Variants in SLC4A1 observed in about 807,000 individuals in gnomAD.
SLC4A1 encodes band 3 anion transport protein.
Under a neutral mutation model 93.1 loss-of-function variants are expected in SLC4A1, and 29 were observed. That is an observed-to-expected ratio of 0.31 (90% CI 0.23 to 0.42). The LOEUF (loss-of-function observed/expected upper bound fraction) is 0.42. Among genes scored for constraint, SLC4A1 ranks in the 20% least tolerant of loss-of-function variants. The pLI, the probability that SLC4A1 is intolerant of heterozygous loss-of-function variation, is 1.00. For missense variants in SLC4A1, 965 were observed against 1,190.1 expected (o/e 0.81, Z 2.78); for synonymous variants, 469 against 497.2 (o/e 0.94, Z 0.76).
rs2047318482 is a variant in SLC4A1 at position 44,249,167 on chromosome 17, C to T, written c.*1291G>A. The T allele has an allele frequency of 2.2e-6, 1 of 455,088 alleles. No individual in the cohort carries two copies. Among genetic ancestry groups the T allele is most frequent in the African/African-American group, 2.0e-5 (1 of 49,956 alleles). 28.2% of individuals were successfully genotyped at this position (455,088 alleles called of 1,614,324 possible). A position where few individuals can be genotyped will look rare whatever the true frequency, so the allele number is the denominator to read the frequency against. Reference sequence around the variant, plus strand: ...GTGAGCCACTGCGCCCAGCCACCTCCTCTCTTTTCTACCACTTCCTGATTC... The same window carrying T: ...GTGAGCCACTGCGCCCAGCCACCTCTTCTCTTTTCTACCACTTCCTGATTC... On this transcript the variant is annotated 3_prime_UTR_variant, in exon 20 of 20. Transcript: ENST00000262418.
At chr17:44,252,095 G>C (rs1457733844) in intron 17 of SLC4A1, among the ~76,000 whole-genome samples, 1 of 117,684 alleles carries the variant, frequency 8.5e-6, no homozygotes, top group Non-Finnish European at 1.6e-5. Context: ...TCACTCTGTT[G>C]CCCAGGCTGG....
chr17:44,251,105 C>T (rs750671125), intron 19 of SLC4A1, 54 bp downstream of exon 19: 47 of 1,538,872 alleles, frequency 3.1e-5, no homozygotes, highest in Middle Eastern at 2.2e-4. Flanking sequence ...AGTTCTGAGA[C>T]GCGCCCCTCG....
chr17:44,267,890 C>T (rs1412251803), intron 1 of SLC4A1, among the ~76,000 whole-genome samples, 164 bp downstream of exon 1: 1 of 152,162 alleles, frequency 6.6e-6, no homozygotes, highest in Non-Finnish European at 1.5e-5. Context: ...GGCCTGTTCC[C>T]TTAGGGGCAA....
At position 44,249,037 on chromosome 17, in the gene SLC4A1, T is replaced by C. The variant is rs1176923166; in HGVS notation, c.*1421A>G. Reference sequence around the variant, plus strand: ...ACGAGACACCCAGCTAATTTTTGTATTTTTAGTAGTAACGGGGTTTCACCA... The same window carrying C: ...ACGAGACACCCAGCTAATTTTTGTACTTTTAGTAGTAACGGGGTTTCACCA... On this transcript the variant is annotated 3_prime_UTR_variant, in exon 20 of 20. Transcript: ENST00000262418. 5.7e-6 allele frequency: 2 copies of C among 349,756 alleles called. No individual in the cohort carries two copies. The highest frequency in any genetic ancestry group is 2.2e-5 in the African/African-American group (1 of 45,298). The allele number at this position is 349,756 out of a possible 1,614,324, so 21.7% of individuals were successfully genotyped here.
In SLC4A1 at chr17:44,252,047, C is replaced by CTTTT. The variant is rs966641655; in HGVS notation, c.2312-463_2312-460dup. ...CTGGCCTGGAGCTATTCCTATGGGT[C>CTTTT]TTTTTTTTTTTTTTTTTTTTTTTTT... On this transcript the variant is annotated intron_variant, in intron 17 of 19. Coordinates refer to ENST00000262418, the MANE Select transcript of SLC4A1 (RefSeq NM_000342.4). Among the ~76,000 whole-genome samples, 74 of 69,130 alleles carry CTTTT rather than the reference C, an allele frequency of 1.1e-3. 12 individuals carry two copies. The highest frequency in any genetic ancestry group is 4.2e-3 in the African/African-American group (60 of 14,282). 45.4% of individuals were successfully genotyped at this position (69,130 alleles called of 152,430 possible).
intron 1 of SLC4A1, among the ~76,000 whole-genome samples, chr17:44,265,934 T>C (rs111516722): frequency 0.095 from 14,270 of 149,696 alleles, 1,428 homozygotes; most frequent in East Asian, 0.44. Context: ...GAACCGAGAT[T>C]GCGCCACTGC....
chr17:44,248,810 A>G lies in SLC4A1; in HGVS notation c.*1648T>C. 5.6e-6 allele frequency: 1 copy of G among 179,434 alleles called. No homozygotes were observed. Among genetic ancestry groups the G allele is most frequent in the Non-Finnish European group, 1.1e-5 (1 of 93,266 alleles). 11.1% of individuals were successfully genotyped at this position (179,434 alleles called of 1,614,324 possible). Reference sequence around the variant, plus strand: ...TGGGCTGGAACCCCACCACACACACATGTTGAGTCTGTGGCCCCCAAGGCT... The same window carrying G: ...TGGGCTGGAACCCCACCACACACACGTGTTGAGTCTGTGGCCCCCAAGGCT... On this transcript the variant is annotated 3_prime_UTR_variant, in exon 20 of 20. Transcript: ENST00000262418.
In SLC4A1 at chr17:44,249,291, G is replaced by C. The variant is rs2047319279; in HGVS notation, c.*1167C>G. Reference sequence around the variant, plus strand: ...TGCCCATGTTCTTGGAGAGCCTGCTGTCTCCTACCCCAATTGGTCAGATCT... The same window carrying C: ...TGCCCATGTTCTTGGAGAGCCTGCTCTCTCCTACCCCAATTGGTCAGATCT... On this transcript the variant is annotated 3_prime_UTR_variant, in exon 20 of 20. Coordinates refer to ENST00000262418, the MANE Select transcript of SLC4A1 (RefSeq NM_000342.4). The C allele has an allele frequency of 4.8e-6, 2 of 420,972 alleles. No homozygotes were observed. The highest frequency in any genetic ancestry group is 3.5e-4 in the Middle Eastern group (1 of 2,888). 26.1% of individuals were successfully genotyped at this position (420,972 alleles called of 1,614,324 possible). A position where few individuals can be genotyped will look rare whatever the true frequency, so the allele number is the denominator to read the frequency against.
chr17:44,264,934 G>C, intron 1 of SLC4A1, among the ~76,000 whole-genome samples: 1 of 151,350 alleles, frequency 6.6e-6, no homozygotes, highest in East Asian at 1.9e-4. Context: ...GTTCAACAAA[G>C]GTTCCCACTC....
intron 2 of SLC4A1, 47 bp from the exon 3 acceptor site, chr17:44,262,773 C>T (rs1446076428): frequency 1.2e-6 from 2 of 1,608,536 alleles, no homozygotes; most frequent in Non-Finnish European, 1.7e-6. Flanking sequence ...GCTCTTCCAC[C>T]CCCAACGAAG....
chr17:44,257,411 T>G lies in SLC4A1; in HGVS notation c.1565A>C (p.Glu522Ala). The G allele has an allele frequency of 6.2e-7, 1 of 1,613,970 alleles. No homozygotes were observed. The highest frequency in any genetic ancestry group is 8.5e-7 in the Non-Finnish European group (1 of 1,180,000). ...GAGGGAAATGAGGAAGGAGAAGATC[T>G]CCTGGGTATAGCGGGAGATGAAGCG... ...LVRFISRYTQ[E>A]IFSFLISLIF... The change falls in exon 13 of 20, where the codon GAG becomes GCG. Residue 522 changes from glutamate to alanine, a missense_variant. Glu to Ala is a moderately radical substitution (Grantham distance 107, BLOSUM62 -1). Coordinates refer to ENST00000262418, the MANE Select transcript of SLC4A1 (RefSeq NM_000342.4).
At position 44,260,836 on chromosome 17, in the gene SLC4A1, G is replaced by A. The variant is rs1032861085; in HGVS notation, c.169-21C>T. 2.5e-6 allele frequency: 4 copies of A among 1,607,818 alleles called. No homozygotes were observed. In the South Asian group the frequency reaches 3.3e-5, roughly 13 times the overall value. ...TAGACCTGTGGCCCCATGCGCCTGA[G>A]TTAGTTCATCAGGCATAGTCCAGGG... On this transcript the variant is annotated intron_variant, in intron 4 of 19. Coordinates refer to ENST00000262418, the MANE Select transcript of SLC4A1 (RefSeq NM_000342.4).
rs749819011 is a variant in SLC4A1 at position 44,250,189 on chromosome 17, G to C, written c.*269C>G. 1 of 466,318 alleles carries C rather than the reference G, an allele frequency of 2.1e-6. No individual in the cohort carries two copies. Among genetic ancestry groups the C allele is most frequent in the East Asian group, 4.1e-5 (1 of 24,628 alleles). 28.9% of individuals were successfully genotyped at this position (466,318 alleles called of 1,614,324 possible). A position where few individuals can be genotyped will look rare whatever the true frequency, so the allele number is the denominator to read the frequency against. ...GGCTCAGATCTAAGTCTTCCAGCACGGGATCCCCAGTGAAAGTGTGGCAAC... is the reference window on the plus strand; with the variant it reads ...GGCTCAGATCTAAGTCTTCCAGCACCGGATCCCCAGTGAAAGTGTGGCAAC... On this transcript the variant is annotated 3_prime_UTR_variant, in exon 20 of 20. Coordinates refer to ENST00000262418, the MANE Select transcript of SLC4A1 (RefSeq NM_000342.4).
Position 44,260,462 on chromosome 17 carries a change from C to A in SLC4A1, c.427G>T (p.Asp143Tyr), listed in dbSNP as rs769500332. ...TCTCGGTCCTGAGGCCGGATCTGGTCTTCAAAGATAAACCTGTCTAGCAGT... is the reference window on the plus strand; with the variant it reads ...TCTCGGTCCTGAGGCCGGATCTGGTATTCAAAGATAAACCTGTCTAGCAGT... The part of the protein sequence containing the change: ...NQLLDRFIFE[D>Y]QIRPQDREEL... The change falls in exon 6 of 20, where the codon GAC becomes TAC. Residue 143 changes from aspartate (D) to tyrosine (Y), a missense_variant. By Grantham distance (160) the Asp-to-Tyr change is radical. Transcript: ENST00000262418. 6.2e-7 allele frequency: 1 copy of A among 1,614,162 alleles called. No homozygotes were observed. Among genetic ancestry groups the A allele is most frequent in the Non-Finnish European group, 8.5e-7 (1 of 1,180,014 alleles).
At chr17:44,267,777 T>C (rs2047506503) in intron 1 of SLC4A1, among the ~76,000 whole-genome samples, 1 of 152,038 alleles carries the variant, frequency 6.6e-6, no homozygotes, top group Non-Finnish European at 1.5e-5. Flanking sequence ...CAAGGGCCCA[T>C]ACCTGGAGGG....
At position 44,261,695 on chromosome 17, in the gene SLC4A1, C is replaced by T. The variant is rs1478918976; in HGVS notation, c.107-59G>A. The T allele has an allele frequency of 2.0e-5, 33 of 1,613,508 alleles. No individual in the cohort carries two copies. In the Admixed American group the frequency reaches 5.2e-4, roughly 25 times the overall value. ...CCGTCCCCCACCTGAGGCTCTTCAC[C>T]ATCCACTGTGAGCCTCAGAGACCCA... On this transcript the variant is annotated intron_variant, in intron 3 of 19. Transcript: ENST00000262418.
chr17:44,251,720 C>CTTTTTTTTTTTTTTTTTTTTTT (rs67064853), intron 17 of SLC4A1, 132 bp from the exon 18 acceptor site: 26 of 392,874 alleles, frequency 6.6e-5, no homozygotes, highest in African/African-American at 1.8e-4. Context: ...CTTTTCTTTT[C>CTTTTTTTTTTTTTTTTTTTTTT]TTTTTTTTTT....
chr17:44,263,067 G>A (rs1163082655), intron 1 of SLC4A1, 133 bp from the exon 2 acceptor site: 1 of 736,456 alleles, frequency 1.4e-6, no homozygotes, highest in African/African-American at 1.7e-5. Flanking sequence ...AGGAAGTGTG[G>A]AGGGAAAGGG....
In SLC4A1 at chr17:44,257,803, T is replaced by G. The variant is rs1048804130; in HGVS notation, c.1287A>C (p.Glu429Asp). 6 of 1,613,560 alleles carry G rather than the reference T, an allele frequency of 3.7e-6. No individual in the cohort carries two copies. The Admixed American group carries it at 1.0e-4, about 27-fold the overall frequency. Reference protein sequence around the residue: ...PAITFGGLLGEKTRNQMGVSE... With the variant: ...PAITFGGLLGDKTRNQMGVSE... Reference sequence around the variant, plus strand: ...ACACTCCCATCTGGTTCCGGGTCTTTTCTCCTGTGGGTAGAGGTCACAGTG... The same window carrying G: ...ACACTCCCATCTGGTTCCGGGTCTTGTCTCCTGTGGGTAGAGGTCACAGTG... Residue 429 changes from glutamate (E) to aspartate (D), a missense_variant, in exon 12 of 20, where the codon GAA becomes GAC. Glu to Asp is a conservative substitution (Grantham distance 45). Around this residue, in one of 2 missense-constraint regions of SLC4A1, gnomAD observed 770 missense variants for 1,006.6 expected, o/e 0.76. Transcript: ENST00000262418.
Sources: gnomAD v4.1 joint callset for allele counts (sites outside exome capture counted in the v4.1 genomes callset) on GRCh38, gnomAD v4.1.1 for gene constraint, gnomAD v4.1.1 regional missense constraint, MANE v1.5 for transcripts, NCBI Gene and HGNC (gene_info 2026-07-23, HGNC 2026-07-21) for gene names.